Variants in ZNRF2 observed in about 807,000 individuals in gnomAD.
ZNRF2 encodes the protein E3 ubiquitin-protein ligase ZNRF2.
A neutral mutation model predicts 20.4 loss-of-function variants in ZNRF2; 16 were observed. That is an observed-to-expected ratio of 0.79 (90% CI 0.53 to 1.19). ZNRF2 has a LOEUF of 1.19. Ranked by LOEUF, ZNRF2 falls within the 50% of genes most tolerant of loss-of-function variation. The pLI is 0.00. For missense variants in ZNRF2, 363 were observed against 332.4 expected (o/e 1.09, Z -0.72); for synonymous variants, 178 against 144.9 (o/e 1.23, Z -1.64).
chr7:30,285,991 C>T (rs931225361), intron 1 of ZNRF2, among the ~76,000 whole-genome samples, 165 bp downstream of exon 1: 13 of 152,330 alleles, frequency 8.5e-5, no homozygotes, highest in African/African-American at 3.1e-4. Context: ...AAACCCGGCG[C>T]TTAACACCGG....
rs1800229968 is a variant in ZNRF2, at chr7:30,367,200, G to A, written c.*1188G>A. 6.6e-6 allele frequency: 1 copy of A among 152,394 alleles called. No individual in the cohort carries two copies. Among genetic ancestry groups the A allele is most frequent in the Admixed American group, 6.6e-5 (1 of 15,250 alleles). The allele number at this position is 152,394 out of a possible 1,614,324, so 9.4% of individuals were successfully genotyped here. A position where few individuals can be genotyped will look rare whatever the true frequency, so the allele number is the denominator to read the frequency against. ...TTGTTAATTTATAATTTATTCATGT[G>A]TTATTACTGTAATTGAAAATGTTAT... is the stretch of plus-strand genomic sequence containing the variant. On this transcript the variant is annotated 3_prime_UTR_variant, in exon 5 of 5. Transcript: ENST00000323037.
intron 1 of ZNRF2, among the ~76,000 whole-genome samples, chr7:30,312,193 G>C (rs1799301686): frequency 6.6e-6 from 1 of 152,194 alleles, no homozygotes. Context: ...ATTGCTCAGG[G>C]TGGTCTGGAA....
intron 1 of ZNRF2, among the ~76,000 whole-genome samples, chr7:30,299,307 G>C (rs995622482): frequency 6.6e-6 from 1 of 151,740 alleles, no homozygotes; most frequent in Non-Finnish European, 1.5e-5. Flanking sequence ...TAATCCCAGC[G>C]ACTCGGGAGG....
intron 1 of ZNRF2, among the ~76,000 whole-genome samples, chr7:30,309,724 G>A (rs1367823376): frequency 6.6e-6 from 1 of 152,130 alleles, no homozygotes; most frequent in African/African-American, 2.4e-5. Flanking sequence ...GTACAGAAAG[G>A]TACCCGGTAA....
chr7:30,326,383 C>T (rs79039317), intron 2 of ZNRF2, among the ~76,000 whole-genome samples: 1,743 of 152,234 alleles, frequency 0.011, 32 homozygotes, highest in African/African-American at 0.039. Flanking sequence ...TGAGAACGTG[C>T]GGAATTTGCT....
intron 1 of ZNRF2, among the ~76,000 whole-genome samples, chr7:30,311,150 G>T (rs1327309804): frequency 6.6e-6 from 1 of 152,140 alleles, no homozygotes; most frequent in Non-Finnish European, 1.5e-5. Context: ...TGTTTTGTTT[G>T]CTGGCTCTGG....
At chr7:30,305,502 T>A (rs1378221647) in intron 1 of ZNRF2, among the ~76,000 whole-genome samples, 2 of 152,152 alleles carry the variant, frequency 1.3e-5, no homozygotes, top group Admixed American at 6.5e-5. Flanking sequence ...TTTTAAAACA[T>A]TGTCATTTAA....
At chr7:30,303,255 TC>T (rs1799146864) in intron 1 of ZNRF2, among the ~76,000 whole-genome samples, 1 of 144,396 alleles carries the variant, frequency 6.9e-6, no homozygotes, top group Non-Finnish European at 1.5e-5. Flanking sequence ...GGAAATGAGA[TC>T]CTGTCTCAAA....
chr7:30,355,674 T>C (rs1374645277), intron 2 of ZNRF2, 54 bp from the exon 3 acceptor site: 6 of 1,473,176 alleles, frequency 4.1e-6, no homozygotes, highest in Non-Finnish European at 4.7e-6. Flanking sequence ...CGTAATTCTT[T>C]TTTCAATTTG....
intron 1 of ZNRF2, among the ~76,000 whole-genome samples, chr7:30,291,544 G>A (rs1208603275): frequency 6.6e-6 from 1 of 152,212 alleles, no homozygotes; most frequent in East Asian, 1.9e-4. Context: ...AGTTAGATTT[G>A]ATTGAGATTT....
chr7:30,287,877 C>T (rs558377365), intron 1 of ZNRF2, among the ~76,000 whole-genome samples: 3 of 152,114 alleles, frequency 2.0e-5, no homozygotes, highest in South Asian at 2.1e-4. Flanking sequence ...GAAATAATTT[C>T]CTGTGTTTGG....
At chr7:30,286,528 G>C (rs1798793619) in intron 1 of ZNRF2, among the ~76,000 whole-genome samples, 1 of 152,192 alleles carries the variant, frequency 6.6e-6, no homozygotes, top group South Asian at 2.1e-4. Flanking sequence ...AATTGGCTAG[G>C]TTCTTTTGAA....
chr7:30,292,036 A>G (rs1227109589), intron 1 of ZNRF2, among the ~76,000 whole-genome samples: 3 of 152,226 alleles, frequency 2.0e-5, no homozygotes, highest in African/African-American at 7.2e-5. Context: ...TTGTAATTTT[A>G]CCACCAGAAA....
intron 1 of ZNRF2, among the ~76,000 whole-genome samples, chr7:30,286,201 T>C (rs772178380): frequency 6.6e-6 from 1 of 152,210 alleles, no homozygotes; most frequent in Admixed American, 6.5e-5. Flanking sequence ...TTGCTAAATG[T>C]AGTTCTATCT....
intron 2 of ZNRF2, among the ~76,000 whole-genome samples, chr7:30,329,374 C>T (rs762754976): frequency 1.1e-4 from 16 of 152,122 alleles, no homozygotes; most frequent in Admixed American, 2.0e-4. Flanking sequence ...CTTCCAAGCA[C>T]TAGGTCTTAT....
chr7:30,332,696 G>C (rs560881291), intron 2 of ZNRF2, among the ~76,000 whole-genome samples: 1 of 152,104 alleles, frequency 6.6e-6, no homozygotes, highest in Non-Finnish European at 1.5e-5. Flanking sequence ...TGCTGCAAAT[G>C]ATATTGTTTC....
intron 2 of ZNRF2, among the ~76,000 whole-genome samples, chr7:30,353,862 A>G (rs908708264): frequency 1.3e-5 from 2 of 152,150 alleles, no homozygotes; most frequent in African/African-American, 4.8e-5. Flanking sequence ...ACACTCACAT[A>G]ATTCTTTGAT....
intron 1 of ZNRF2, among the ~76,000 whole-genome samples, chr7:30,317,288 A>G (rs1799390984): frequency 9.6e-6 from 1 of 104,370 alleles, no homozygotes; most frequent in African/African-American, 3.7e-5. Context: ...TTTCTGCCCC[A>G]CAGGTATCAA....
intron 1 of ZNRF2, among the ~76,000 whole-genome samples, chr7:30,287,422 A>T (rs1798811693): frequency 6.6e-6 from 1 of 151,886 alleles, no homozygotes; most frequent in Admixed American, 6.6e-5. Context: ...TTGTCAAGTT[A>T]ATAGTTAATA....
Sources: gnomAD v4.1 joint callset for allele counts (sites outside exome capture counted in the v4.1 genomes callset) on GRCh38, gnomAD v4.1.1 for gene constraint, MANE v1.5 for transcripts, NCBI Gene and HGNC (gene_info 2026-07-23, HGNC 2026-07-21) for gene names.